SEPTIN9: variants seen among roughly 807,000 people sequenced by gnomAD.
The protein encoded by SEPTIN9 is septin 9, also known as septin-9.
A neutral mutation model predicts 56.6 loss-of-function variants in SEPTIN9; 13 were observed. The observed-to-expected ratio is 0.23, with a 90% CI of 0.15 to 0.37. The LOEUF (loss-of-function observed/expected upper bound fraction) is 0.37. Ranked by LOEUF, SEPTIN9 falls within the 10% of genes least tolerant of loss-of-function variation. The pLI is 1.00. For missense variants in SEPTIN9, 650 were observed against 823.1 expected, an observed-to-expected ratio of 0.79 and a Z score of 2.57; for synonymous variants, 332 against 334.1, an observed-to-expected ratio of 0.99 and a Z score of 0.07.
chr17:77,345,742 G>A (rs949864891), intron 2 of SEPTIN9, among the ~76,000 whole-genome samples: 1 of 152,210 alleles, frequency 6.6e-6, no homozygotes, highest in African/African-American at 2.4e-5. Flanking sequence ...TGCTACCTCA[G>A]CAAGGCCTGG....
At chr17:77,309,821 C>A (rs2032415530) in intron 2 of SEPTIN9, among the ~76,000 whole-genome samples, 1 of 152,224 alleles carries the variant, frequency 6.6e-6, no homozygotes, top group African/African-American at 2.4e-5. Context: ...ACTCACCATC[C>A]CGCTTAAGAA....
At chr17:77,391,724 C>T (rs180673131) in intron 2 of SEPTIN9, among the ~76,000 whole-genome samples, 53 of 152,324 alleles carry the variant, frequency 3.5e-4, no homozygotes, top group Non-Finnish European at 5.4e-4. Flanking sequence ...CTGGAGGTTC[C>T]TTGTAAAGGA....
intron 2 of SEPTIN9, among the ~76,000 whole-genome samples, chr17:77,314,001 A>G (rs909639045): frequency 6.6e-5 from 10 of 152,126 alleles, no homozygotes; most frequent in African/African-American, 2.2e-4. Context: ...GGTGCTCCAG[A>G]CCAGCCTGGG....
intron 1 of SEPTIN9, among the ~76,000 whole-genome samples, chr17:77,293,120 G>A (rs759776718): frequency 9.2e-5 from 14 of 151,864 alleles, no homozygotes; most frequent in African/African-American, 3.1e-4. Context: ...GAGCTCAAGC[G>A]ATCCTCCCTT....
chr17:77,354,049 C>T, intron 2 of SEPTIN9, among the ~76,000 whole-genome samples: 1 of 152,174 alleles, frequency 6.6e-6, no homozygotes, highest in East Asian at 1.9e-4. Context: ...GTGGGAGGAT[C>T]TCCACAGAGA....
At chr17:77,482,579 A>C (rs1456620502) in intron 4 of SEPTIN9, 1 of 684,912 alleles carries the variant, frequency 1.5e-6, no homozygotes, top group Admixed American at 2.1e-5. Context: ...GACTTTGGGG[A>C]GCCCAGGCCG....
rs374080377 is a variant in SEPTIN9 at position 77,402,270 on chromosome 17, G to C, written c.288G>C (p.Ser96=). ...CGTCCCTGCGGAGGGTGGAGCTCTCGGGCCCCAAGGCGGCCGAGCCGGTGT... is the reference window on the plus strand; with the variant it reads ...CGTCCCTGCGGAGGGTGGAGCTCTCCGGCCCCAAGGCGGCCGAGCCGGTGT... The part of the protein sequence containing the change: ...PKASLRRVEL[S]GPKAAEPVSR... The change falls in exon 3 of 12, where the codon TCG becomes TCC. Residue 96 remains serine (S), a synonymous_variant. Transcript: ENST00000427177. This position sits in a 1 kb window ranked among gnomAD's most constrained non-coding sequence, Gnocchi z 6.6. 16 of 1,612,496 alleles carry C rather than the reference G, an allele frequency of 9.9e-6. No individual in the cohort carries two copies. In the African/African-American group the frequency reaches 2.0e-4, roughly 20 times the overall value.
intron 10 of SEPTIN9, among the ~76,000 whole-genome samples, chr17:77,494,916 C>G (rs2040187990): frequency 6.6e-6 from 1 of 152,236 alleles, no homozygotes; most frequent in Non-Finnish European, 1.5e-5. Context: ...CTGGGTGCAG[C>G]CTGGGTGTTT....
intron 1 of SEPTIN9, among the ~76,000 whole-genome samples, chr17:77,288,988 C>T (rs941036409): frequency 6.6e-6 from 1 of 152,216 alleles, no homozygotes; most frequent in African/African-American, 2.4e-5. Context: ...CTGACCTTGG[C>T]TGGGGCGATG....
Position 77,461,784 on chromosome 17 carries a change from G to A in SEPTIN9, c.722-20360G>A, listed in dbSNP as rs79454356. Among the ~76,000 whole-genome samples the A allele has an allele frequency of 5.4e-4, 82 of 152,352 alleles. 1 individual carries two copies. In the East Asian group the frequency reaches 0.013, roughly 25 times the overall value. On this transcript the variant is annotated intron_variant, in intron 3 of 11. Coordinates refer to ENST00000427177, the MANE Select transcript of SEPTIN9 (RefSeq NM_001113491.2). ...CACCTCATTACAGAGGTTGGCAAGTGCCAAGATTGGCAGAGTAAATCAGCA... is the reference window on the plus strand; with the variant it reads ...CACCTCATTACAGAGGTTGGCAAGTACCAAGATTGGCAGAGTAAATCAGCA...
intron 3 of SEPTIN9, among the ~76,000 whole-genome samples, chr17:77,407,501 G>A (rs1280423092): frequency 6.6e-6 from 1 of 151,828 alleles, no homozygotes; most frequent in East Asian, 2.0e-4. Context: ...AGGACACCTG[G>A]TCTCTCCTCT....
At chr17:77,383,416 C>T (rs529669626) in intron 2 of SEPTIN9, among the ~76,000 whole-genome samples, 1 of 152,244 alleles carries the variant, frequency 6.6e-6, no homozygotes, top group South Asian at 2.1e-4. Context: ...GCTGCTGAGG[C>T]TCCAGCGCTG....
intron 3 of SEPTIN9, among the ~76,000 whole-genome samples, chr17:77,408,127 GCCCAGCTCAGTTCTGGGCATGT>G (rs2036158049): frequency 6.6e-6 from 1 of 152,192 alleles, no homozygotes; most frequent in Non-Finnish European, 1.5e-5. Context: ...CAGGCCCAGT[GCCCAGCTCAGTTCTGGGCATGT>G]CCCAGCTCTG....
At chr17:77,411,329 A>G (rs940853167) in intron 3 of SEPTIN9, among the ~76,000 whole-genome samples, 1 of 152,034 alleles carries the variant, frequency 6.6e-6, no homozygotes, top group Non-Finnish European at 1.5e-5. Flanking sequence ...TTCTGCTACC[A>G]GCTTTTATTT....
rs1008599862 is a variant in SEPTIN9 at position 77,327,329 on chromosome 17, AC to A, written c.76+20139del. Among the ~76,000 whole-genome samples the A allele has an allele frequency of 5.2e-3, 773 of 149,270 alleles. 8 individuals carry two copies. The highest frequency in any genetic ancestry group is 5.5e-3 in the Non-Finnish European group (368 of 67,190). ...TCCTGGCCCGTCTCTTGCTCTGGGC[AC>A]CCCCCCACTCCGAACGGCCAGAGCT... is the stretch of plus-strand genomic sequence containing the variant. On this transcript the variant is annotated intron_variant, in intron 2 of 11. Transcript: ENST00000427177. The surrounding 1 kb of genome is among the most constrained non-coding windows in gnomAD (Gnocchi z 5.0).
rs1047380578 is a variant in SEPTIN9 at position 77,401,508 on chromosome 17, G to A, written c.77-551G>A. Among the ~76,000 whole-genome samples the A allele has an allele frequency of 2.6e-5, 4 of 152,174 alleles. No individual in the cohort carries two copies. In the South Asian group the frequency reaches 6.2e-4, roughly 24 times the overall value. Reference sequence around the variant, plus strand: ...CGCCTGTAATCCCAGCACTTTGGGAGGCCGAGGCGGGTGGATCGCTTGAGG... The same window carrying A: ...CGCCTGTAATCCCAGCACTTTGGGAAGCCGAGGCGGGTGGATCGCTTGAGG... On this transcript the variant is annotated intron_variant, in intron 2 of 11. Transcript: ENST00000427177.
chr17:77,297,145 G>T (rs146382181), intron 1 of SEPTIN9, among the ~76,000 whole-genome samples: 1 of 152,134 alleles, frequency 6.6e-6, no homozygotes, highest in Non-Finnish European at 1.5e-5. Context: ...AAGGCCGTCC[G>T]CAAGCTGGAG....
intron 2 of SEPTIN9, among the ~76,000 whole-genome samples, chr17:77,396,614 T>C (rs2035724533): frequency 6.6e-6 from 1 of 152,098 alleles, no homozygotes; most frequent in Non-Finnish European, 1.5e-5. Context: ...CGTGTGTGAC[T>C]GCAGGACCCA....
In SEPTIN9 at chr17:77,326,740, A is replaced by G. The variant is rs1169403984; in HGVS notation, c.76+19543A>G. Among the ~76,000 whole-genome samples the G allele has an allele frequency of 6.6e-6, 1 of 152,206 alleles. No homozygotes were observed. On this transcript the variant is annotated intron_variant, in intron 2 of 11. Transcript: ENST00000427177. The surrounding 1 kb of genome is among the most constrained non-coding windows in gnomAD (Gnocchi z 5.1). ...AGCTGGCAGCTTCAGGATGGTTCCC[A>G]GGGAAGACCAGGTAGAATCACAAGG...
Sources: allele counts gnomAD v4.1 joint callset (sites outside exome capture counted in the v4.1 genomes callset), GRCh38; gene constraint gnomAD v4.1.1; non-coding constraint Gnocchi (gnomAD v3.1); transcripts MANE v1.5; gene names NCBI Gene and HGNC (gene_info 2026-07-23, HGNC 2026-07-21).